The following ALG6 variants were observed in gnomAD, a reference collection of about 807,000 sequenced individuals.
ALG6 encodes the protein ALG6 alpha-1,3-glucosyltransferase, also known as dolichyl pyrophosphate Man9GlcNAc2 alpha-1,3-glucosyltransferase.
In ALG6, 46 loss-of-function variants were observed where a neutral mutation model predicts 66.6. That is an observed-to-expected ratio of 0.69 (90% CI 0.55 to 0.88). ALG6 has a LOEUF of 0.88. Among genes scored for constraint, ALG6 ranks in the 40% least tolerant of loss-of-function variants. The pLI, the probability that ALG6 is intolerant of heterozygous loss-of-function variation, is 0.00. For synonymous variants in ALG6, 185 were observed against 203.7 expected, an observed-to-expected ratio of 0.91 and a Z score of 0.78; for missense variants, 505 against 586.8, an observed-to-expected ratio of 0.86 and a Z score of 1.44.
Position 63,400,245 on chromosome 1 carries a change from G to A in ALG6, c.168-2009G>A, listed in dbSNP as rs372176645. Reference sequence around the variant, plus strand: ...TACGTATATATATATATATATATACGTATATATATGTATATATATATACGT... The same window carrying A: ...TACGTATATATATATATATATATACATATATATATGTATATATATATACGT... On this transcript the variant is annotated intron_variant, in intron 3 of 14. Transcript: ENST00000263440. Among the ~76,000 whole-genome samples the A allele has an allele frequency of 0.015, 51 of 3,368 alleles. 11 individuals are homozygous for A. The South Asian group carries it at 0.18, about 12-fold the overall frequency. 2.2% of individuals were successfully genotyped at this position (3,368 alleles called of 152,430 possible).
chr1:63,396,553 G>A lies in ALG6; in HGVS notation c.123G>A (p.Gln41=), dbSNP rs1648831785. ...KPPMFGDYEA[Q]RHWQEITFNL... ...CTATGTTTGGTGATTATGAAGCTCA[G>A]AGACACTGGCAAGAAATAACTTTTA... Residue 41 remains glutamine (Q), a synonymous_variant, in exon 3 of 15, where the codon CAG becomes CAA. Transcript: ENST00000263440. 8.1e-6 allele frequency: 13 copies of A among 1,614,138 alleles called. No homozygotes were observed. Among genetic ancestry groups the A allele is most frequent in the Non-Finnish European group, 1.1e-5 (13 of 1,180,004 alleles).
rs760245924 is a variant in ALG6, at chr1:63,404,497, G to A, written c.302G>A (p.Arg101His). The A allele has an allele frequency of 2.4e-5, 38 of 1,613,602 alleles. No homozygotes were observed. Among genetic ancestry groups the A allele is most frequent in the Middle Eastern group, 1.6e-4 (1 of 6,078 alleles). The change falls in exon 5 of 15, where the codon CGT (arginine) becomes CAT (histidine). Residue 101 changes from arginine (R) to histidine (H), a missense_variant. Coordinates refer to ENST00000263440, the MANE Select transcript of ALG6 (RefSeq NM_013339.4). ...GACTGGATTGCTCTCCATACATCAC[G>A]TGGATATGAGAGTCAGGCACATAAG... ...NPDWIALHTS[R>H]GYESQAHKLF...
intron 8 of ALG6, among the ~76,000 whole-genome samples, chr1:63,411,639 A>C (rs997557138): frequency 3.3e-5 from 5 of 152,094 alleles, no homozygotes; most frequent in Admixed American, 2.6e-4. Context: ...ATACATCCCC[A>C]TTTGATATTT....
At chr1:63,396,991 G>T (rs2100405268) in intron 3 of ALG6, among the ~76,000 whole-genome samples, 1 of 152,240 alleles carries the variant, frequency 6.6e-6, no homozygotes, top group South Asian at 2.1e-4. Flanking sequence ...TTTGGCAGTA[G>T]CTGATGGCTG....
At chr1:63,377,671 T>C (rs959925237) in intron 2 of ALG6, among the ~76,000 whole-genome samples, 2 of 152,336 alleles carry the variant, frequency 1.3e-5, no homozygotes, top group East Asian at 3.9e-4. Context: ...CTTCCATGAT[T>C]TTTAATCCTA....
rs974752586 is a variant in ALG6, at chr1:63,436,179, A to T, written c.1327-644A>T. Among the ~76,000 whole-genome samples the T allele has an allele frequency of 2.0e-5, 3 of 152,164 alleles. No homozygotes were observed. The East Asian group carries it at 5.8e-4, about 29-fold the overall frequency. ...AGAATTTTAAAAATTGATACAGAAT[A>T]GATGTATATATTTTGGGGGTATATG... On this transcript the variant is annotated intron_variant, in intron 14 of 14. Transcript: ENST00000263440.
Position 63,422,251 on chromosome 1 carries a change from ATATT to A in ALG6, c.1058+2815_1058+2818del, listed in dbSNP as rs1212117962. Among the ~76,000 whole-genome samples, 8 of 97,138 alleles carry A rather than the reference ATATT, an allele frequency of 8.2e-5. 1 individual carries two copies. The highest frequency in any genetic ancestry group is 1.6e-4 in the Non-Finnish European group (8 of 51,350). 63.7% of individuals were successfully genotyped at this position (97,138 alleles called of 152,430 possible). On this transcript the variant is annotated intron_variant, in intron 12 of 14. Transcript: ENST00000263440. ...AATATAAATATATATATAAATATATATATTTATATAGATATAAATATATATATAA... is the reference window on the plus strand; with the variant it reads ...AATATAAATATATATATAAATATATATATATAGATATAAATATATATATAA...
chr1:63,437,549 T>TTTAA lies in ALG6; in HGVS notation c.*533_*536dup, dbSNP rs1418366058. The TTTAA allele has an allele frequency of 6.5e-6, 1 of 153,304 alleles. No individual in the cohort carries two copies. The highest frequency in any genetic ancestry group is 2.4e-5 in the African/African-American group (1 of 41,436). 9.5% of individuals were successfully genotyped at this position (153,304 alleles called of 1,614,324 possible). A position where few individuals can be genotyped will look rare whatever the true frequency, so the allele number is the denominator to read the frequency against. On this transcript the variant is annotated 3_prime_UTR_variant, in exon 15 of 15. Coordinates refer to ENST00000263440, the MANE Select transcript of ALG6 (RefSeq NM_013339.4). ...AGGGAATTAAATTTGTGATAATCTT[T>TTTAA]TTAATTACTGAGAAGGCAATTTAAA... is the stretch of plus-strand genomic sequence containing the variant.
chr1:63,368,123 C>T (rs1358733261), intron 1 of ALG6, among the ~76,000 whole-genome samples: 1 of 152,154 alleles, frequency 6.6e-6, no homozygotes, highest in Admixed American at 6.5e-5. Context: ...TCGAGATGCA[C>T]CGTCAGGGCA....
chr1:63,423,298 A>G (rs927367644), intron 12 of ALG6, among the ~76,000 whole-genome samples: 1 of 152,212 alleles, frequency 6.6e-6, no homozygotes, highest in Non-Finnish European at 1.5e-5. Context: ...TGCTGGGATT[A>G]CAGGCATGAG....
At chr1:63,417,017 T>C (rs2100426042) in intron 11 of ALG6, among the ~76,000 whole-genome samples, 1 of 152,320 alleles carries the variant, frequency 6.6e-6, no homozygotes, top group Middle Eastern at 3.4e-3. Context: ...TGCATCTCAT[T>C]ACCACAATGC....
intron 12 of ALG6, among the ~76,000 whole-genome samples, chr1:63,427,282 C>A (rs546526033): frequency 3.4e-4 from 51 of 150,302 alleles, no homozygotes; most frequent in Non-Finnish European, 4.4e-4. Flanking sequence ...CAAAGTGCTG[C>A]GATTACAGGT....
chr1:63,377,887 C>T (rs566839823), intron 2 of ALG6, among the ~76,000 whole-genome samples: 175 of 152,224 alleles, frequency 1.1e-3, no homozygotes, highest in African/African-American at 4.1e-3. Flanking sequence ...GTGCTTGCCA[C>T]CACACCCAGC....
chr1:63,393,074 A>G (rs1453176731), intron 2 of ALG6, among the ~76,000 whole-genome samples: 1 of 152,184 alleles, frequency 6.6e-6, no homozygotes, highest in Non-Finnish European at 1.5e-5. Context: ...ATTACTTAAG[A>G]TTCTCTCTGA....
At chr1:63,394,773 G>A (rs1194083052) in intron 2 of ALG6, among the ~76,000 whole-genome samples, 4 of 152,142 alleles carry the variant, frequency 2.6e-5, no homozygotes, top group Non-Finnish European at 5.9e-5. Context: ...CAGTCTGCCT[G>A]GATTCAAATC....
rs114111123 is a variant in ALG6, at chr1:63,437,288, C to T, written c.*268C>T. ...TATTCAAGTGGGGAAAAAAGAGAAA[C>T]ATGTCCTTAATCCCATTGTTTACTC... On this transcript the variant is annotated 3_prime_UTR_variant, in exon 15 of 15. Transcript: ENST00000263440. 2,029 of 391,408 alleles carry T rather than the reference C, an allele frequency of 5.2e-3. 44 individuals carry two copies. Among genetic ancestry groups the T allele is most frequent in the African/African-American group, 0.039 (1,889 of 48,622 alleles). 24.2% of individuals were successfully genotyped at this position (391,408 alleles called of 1,614,324 possible). A position where few individuals can be genotyped will look rare whatever the true frequency, so the allele number is the denominator to read the frequency against.
At chr1:63,376,462 A>G (rs1355955762) in intron 2 of ALG6, among the ~76,000 whole-genome samples, 1 of 152,106 alleles carries the variant, frequency 6.6e-6, no homozygotes, top group African/African-American at 2.4e-5. Context: ...ACTAAATTGG[A>G]TGCTTTAGCT....
At chr1:63,402,812 A>T (rs1410928604) in intron 4 of ALG6, among the ~76,000 whole-genome samples, 1 of 148,186 alleles carries the variant, frequency 6.7e-6, no homozygotes, top group African/African-American at 2.5e-5. Flanking sequence ...AGAAATAACT[A>T]TTGGCTGGGA....
intron 12 of ALG6, among the ~76,000 whole-genome samples, chr1:63,424,729 AT>A (rs1444823510): frequency 6.7e-6 from 1 of 149,454 alleles, no homozygotes; most frequent in African/African-American, 2.5e-5. Context: ...TAAGAGTTTT[AT>A]GGATTTAGCT....
Sources: gnomAD v4.1 joint callset for allele counts (sites outside exome capture counted in the v4.1 genomes callset) on GRCh38, gnomAD v4.1.1 for gene constraint, MANE v1.5 for transcripts, NCBI Gene and HGNC (gene_info 2026-07-23, HGNC 2026-07-21) for gene names.